Variants in RNF223 observed in about 807,000 individuals in gnomAD.
RNF223 encodes the protein ring finger protein 223.
RNF223 carries 10 observed loss-of-function variants against 13.9 expected under a neutral mutation model. That is an observed-to-expected ratio of 0.72 (90% CI 0.44 to 1.22). The LOEUF is 1.22. Among genes scored for constraint, RNF223 ranks in the 50% most tolerant of loss-of-function variants. RNF223 has a pLI of 0.00. For synonymous variants in RNF223, 168 were observed against 173.3 expected (o/e 0.97, Z 0.24); for missense variants, 379 against 380.0 (o/e 1.00, Z 0.02).
intron 1 of RNF223, among the ~76,000 whole-genome samples, chr1:1,073,566 G>C (rs1645659207): frequency 6.6e-6 from 1 of 152,184 alleles, no homozygotes; most frequent in Non-Finnish European, 1.5e-5. Flanking sequence ...CCCTGGGCAT[G>C]GCTCAGGTGG....
intron 1 of RNF223, among the ~76,000 whole-genome samples, chr1:1,073,543 G>A (rs2100729109): frequency 6.6e-6 from 1 of 152,312 alleles, no homozygotes; most frequent in East Asian, 1.9e-4. Flanking sequence ...GACACTGGGG[G>A]ATGCTGCTCT....
At position 1,072,457 on chromosome 1, in the gene RNF223, G is replaced by A. The variant is rs749980035; in HGVS notation, c.110C>T (p.Pro37Leu). The part of the protein sequence containing the change: ...SPSSAGSPRS[P>L]GTPGSERVAS... ...CACCCTCTCCGAGCCAGGGGTGCCA[G>A]GGGACCTGGGGCTGCCGGCCGAGCT... Residue 37 changes from proline to leucine, a missense_variant, in exon 2 of 2, where the codon CCT becomes CTT. Coordinates refer to ENST00000453464, the MANE Select transcript of RNF223 (RefSeq NM_001205252.2). 1 of 1,522,172 alleles carries A rather than the reference G, an allele frequency of 6.6e-7. No homozygotes were observed. Among genetic ancestry groups the A allele is most frequent in the Non-Finnish European group, 8.8e-7 (1 of 1,141,256 alleles). 94.3% of individuals were successfully genotyped at this position (1,522,172 alleles called of 1,614,324 possible). A position where few individuals can be genotyped will look rare whatever the true frequency, so the allele number is the denominator to read the frequency against.
Position 1,074,027 on chromosome 1 carries a change from G to C in RNF223, c.-21C>G, listed in dbSNP as rs1391456551. ...TGAGCTGGCCTTACCTGGTGGCCGG[G>C]GGTCAGCGGGCCTGGGCGTGGTCCT... On this transcript the variant is annotated 5_prime_UTR_variant, in exon 1 of 2. Transcript: ENST00000453464. The C allele has an allele frequency of 6.6e-6, 1 of 152,288 alleles. No individual in the cohort carries two copies. The highest frequency in any genetic ancestry group is 1.9e-4 in the East Asian group (1 of 5,190). The allele number at this position is 152,288 out of a possible 1,614,324, so 9.4% of individuals were successfully genotyped here. A position where few individuals can be genotyped will look rare whatever the true frequency, so the allele number is the denominator to read the frequency against.
chr1:1,071,439 T>C lies in RNF223; in HGVS notation c.*378A>G, dbSNP rs1456175390. ...CACCACGATGCCCGGTTAATTTTTG[T>C]ATTTTTAGTAGAGATGGGGTTTCAC... On this transcript the variant is annotated 3_prime_UTR_variant, in exon 2 of 2. Transcript: ENST00000453464. 2 of 168,952 alleles carry C rather than the reference T, an allele frequency of 1.2e-5. No homozygotes were observed. The highest frequency in any genetic ancestry group is 3.2e-4 in the East Asian group (2 of 6,178). The allele number at this position is 168,952 out of a possible 1,614,324, so 10.5% of individuals were successfully genotyped here.
Position 1,072,402 on chromosome 1 carries a change from G to A in RNF223, c.165C>T (p.Phe55=). Residue 55 remains phenylalanine, a synonymous_variant, in exon 2 of 2, where the codon TTC becomes TTT. Coordinates refer to ENST00000453464, the MANE Select transcript of RNF223 (RefSeq NM_001205252.2). ...TCTTGAAGATGTTGTCATAGCCTGA[G>A]AAACAGATGGAGCACTCCAGGGGGG... The part of the protein sequence containing the change: ...VASPLECSIC[F]SGYDNIFKTP... The A allele has an allele frequency of 1.4e-6, 2 of 1,478,820 alleles. No individual in the cohort carries two copies. Among genetic ancestry groups the A allele is most frequent in the Non-Finnish European group, 1.8e-6 (2 of 1,121,578 alleles). The allele number at this position is 1,478,820 out of a possible 1,614,324, so 91.6% of individuals were successfully genotyped here.
At chr1:1,072,672 A>ACAGAGTCCTTCCCTG in intron 1 of RNF223, 97 bp from the exon 2 acceptor site, 2 of 1,073,622 alleles carry the variant, frequency 1.9e-6, no homozygotes, top group Non-Finnish European at 2.6e-6. Flanking sequence ...ATCCCAGGGA[A>ACAGAGTCCTTCCCTG]GGACTCTGTT....
At position 1,072,576 on chromosome 1, in the gene RNF223, C is replaced by T; in HGVS notation, c.-9-1G>A. The T allele has an allele frequency of 1.3e-6, 2 of 1,504,350 alleles. No homozygotes were observed. Among genetic ancestry groups the T allele is most frequent in the East Asian group, 5.1e-5 (2 of 38,946 alleles). 93.2% of individuals were successfully genotyped at this position (1,504,350 alleles called of 1,614,324 possible). On this transcript the variant is annotated splice_acceptor_variant, in intron 1 of 1. Transcript: ENST00000453464. LOFTEE classifies it low-confidence loss of function (5UTR_SPLICE). ...GCTGGCCTGACGACATGTCTCTGAG[C>T]TGTGGGACAGGGACTGTGGTAAGCA...
Position 1,071,271 on chromosome 1 carries a change from T to G in RNF223, c.*546A>C, listed in dbSNP as rs1645636118. 2 of 151,686 alleles carry G rather than the reference T, an allele frequency of 1.3e-5. No homozygotes were observed. The highest frequency in any genetic ancestry group is 6.6e-5 in the Admixed American group (1 of 15,192). The allele number at this position is 151,686 out of a possible 1,614,324, so 9.4% of individuals were successfully genotyped here. A position where few individuals can be genotyped will look rare whatever the true frequency, so the allele number is the denominator to read the frequency against. ...CCTGGACCCTTCCTGTACGAGCCTG[T>G]TTTTTTTTGTTTTGTTTTGAGACAG... On this transcript the variant is annotated 3_prime_UTR_variant, in exon 2 of 2. Coordinates refer to ENST00000453464, the MANE Select transcript of RNF223 (RefSeq NM_001205252.2).
In RNF223 at chr1:1,072,505, A is replaced by G. The variant is rs898324121; in HGVS notation, c.62T>C (p.Ile21Thr). The G allele has an allele frequency of 2.9e-5, 45 of 1,532,356 alleles. No individual in the cohort carries two copies. Among genetic ancestry groups the G allele is most frequent in the Non-Finnish European group, 3.3e-5 (38 of 1,145,486 alleles). The allele number at this position is 1,532,356 out of a possible 1,614,324, so 94.9% of individuals were successfully genotyped here. ...AVPPPRRSSS[I>T]ASMPRSPSSA... is the part of the protein sequence containing the mutation. Reference sequence around the variant, plus strand: ...GCTGGGGGACCTGGGCATCGAGGCTATGGAGCTGCTCCGGCGAGGGGGTGG... The same window carrying G: ...GCTGGGGGACCTGGGCATCGAGGCTGTGGAGCTGCTCCGGCGAGGGGGTGG... Residue 21 changes from isoleucine to threonine, a missense_variant, in exon 2 of 2, where the codon ATA (isoleucine) becomes ACA (threonine). Ile to Thr is a moderately conservative substitution (Grantham distance 89). Coordinates refer to ENST00000453464, the MANE Select transcript of RNF223 (RefSeq NM_001205252.2).
Position 1,074,123 on chromosome 1 carries a change from C to T in RNF223, c.-117G>A, listed in dbSNP as rs1436783426. Reference sequence around the variant, plus strand: ...GTGGCAGTGTCTGCTTCCTCTTCTCCGGGCCCGGCCCGGCCTGTGCTTCAC... The same window carrying T: ...GTGGCAGTGTCTGCTTCCTCTTCTCTGGGCCCGGCCCGGCCTGTGCTTCAC... On this transcript the variant is annotated 5_prime_UTR_variant, in exon 1 of 2. Coordinates refer to ENST00000453464, the MANE Select transcript of RNF223 (RefSeq NM_001205252.2). 1.3e-5 allele frequency: 2 copies of T among 152,232 alleles called. No homozygotes were observed. Among genetic ancestry groups the T allele is most frequent in the African/African-American group, 4.8e-5 (2 of 41,422 alleles). 9.4% of individuals were successfully genotyped at this position (152,232 alleles called of 1,614,324 possible).
At position 1,071,781 on chromosome 1, in the gene RNF223, G is replaced by A. The variant is rs1371983890; in HGVS notation, c.*36C>T. 1 of 1,439,642 alleles carries A rather than the reference G, an allele frequency of 6.9e-7. No homozygotes were observed. Among genetic ancestry groups the A allele is most frequent in the Admixed American group, 2.5e-5 (1 of 40,174 alleles). 89.2% of individuals were successfully genotyped at this position (1,439,642 alleles called of 1,614,324 possible). ...CAGTGGGGGACGCCCCATGGAGCTG[G>A]GCGAGGGCGGCTGACCTGGGCAGAG... On this transcript the variant is annotated 3_prime_UTR_variant, in exon 2 of 2. Coordinates refer to ENST00000453464, the MANE Select transcript of RNF223 (RefSeq NM_001205252.2).
chr1:1,071,463 A>T lies in RNF223; in HGVS notation c.*354T>A. On this transcript the variant is annotated 3_prime_UTR_variant, in exon 2 of 2. Coordinates refer to ENST00000453464, the MANE Select transcript of RNF223 (RefSeq NM_001205252.2). ...GTATTTTTAGTAGAGATGGGGTTTCACCATGTTGGCCAGGCTGGTGTCAAA... is the reference window on the plus strand; with the variant it reads ...GTATTTTTAGTAGAGATGGGGTTTCTCCATGTTGGCCAGGCTGGTGTCAAA... The T allele has an allele frequency of 5.1e-6, 1 of 195,586 alleles. No homozygotes were observed. 12.1% of individuals were successfully genotyped at this position (195,586 alleles called of 1,614,324 possible).
rs1228105305 is a variant in RNF223, at chr1:1,071,970, C to T, written c.597G>A (p.Leu199=). The change falls in exon 2 of 2, where the codon CTG becomes CTA. Residue 199 remains leucine, a synonymous_variant. Coordinates refer to ENST00000453464, the MANE Select transcript of RNF223 (RefSeq NM_001205252.2). ...AGAGCATCAGCAGCAGGGCAGAGAC[C>T]AGTGCCATGCGCCTCCAGTCCCTGC... ...ARCRDWRRMA[L]VSALLLMLFC... 1.1e-5 allele frequency: 17 copies of T among 1,529,614 alleles called. No individual in the cohort carries two copies. The highest frequency in any genetic ancestry group is 5.6e-5 in the African/African-American group (4 of 71,846). The allele number at this position is 1,529,614 out of a possible 1,614,324, so 94.8% of individuals were successfully genotyped here.
At chr1:1,073,830 C>A (rs904373329) in intron 1 of RNF223, among the ~76,000 whole-genome samples, 186 bp downstream of exon 1, 1 of 152,162 alleles carries the variant, frequency 6.6e-6, no homozygotes, top group African/African-American at 2.4e-5. Flanking sequence ...TCACTGTGAC[C>A]ACCTGAGTCA....
At position 1,071,841 on chromosome 1, in the gene RNF223, G is replaced by C. The variant is rs368948809; in HGVS notation, c.726C>G (p.Pro242=). The C allele has an allele frequency of 2.1e-5, 32 of 1,522,038 alleles. No homozygotes were observed. The highest frequency in any genetic ancestry group is 6.9e-5 in the African/African-American group (5 of 72,216). 94.3% of individuals were successfully genotyped at this position (1,522,038 alleles called of 1,614,324 possible). A position where few individuals can be genotyped will look rare whatever the true frequency, so the allele number is the denominator to read the frequency against. ...CCTAATTATCAGTCAGAGGCCCGAG[G>C]GGGGAGGCGGCTGTGCTGGTGGCCG... ...RPPATSTAAS[P]LGPLTDN Residue 242 remains proline, a synonymous_variant, in exon 2 of 2, where the codon CCC becomes CCG. Transcript: ENST00000453464.
Position 1,072,514 on chromosome 1 carries a change from C to T in RNF223, c.53G>A (p.Ser18Asn). ...CCTGGGCATCGAGGCTATGGAGCTG[C>T]TCCGGCGAGGGGGTGGCACAGCCGT... ...WHTAVPPPRR[S>N]SSIASMPRSP... Residue 18 changes from serine to asparagine, a missense_variant, in exon 2 of 2, where the codon AGC becomes AAC. By Grantham distance (46) the Ser-to-Asn change is conservative (BLOSUM62 1). Transcript: ENST00000453464. 1 of 1,532,636 alleles carries T rather than the reference C, an allele frequency of 6.5e-7. No individual in the cohort carries two copies. The highest frequency in any genetic ancestry group is 8.7e-7 in the Non-Finnish European group (1 of 1,145,514). The allele number at this position is 1,532,636 out of a possible 1,614,324, so 94.9% of individuals were successfully genotyped here.
chr1:1,072,117 T>C lies in RNF223; in HGVS notation c.450A>G (p.Thr150=). ...ATACGAAACCGGGCTCGCGGCCAGG[T>C]GTGGTGGGCAGTGGCTGGCAGCACA... ...TKLCCQPLPT[T]PGREPGFVCV... The change falls in exon 2 of 2, where the codon ACA becomes ACG. Residue 150 remains threonine, a synonymous_variant. Coordinates refer to ENST00000453464, the MANE Select transcript of RNF223 (RefSeq NM_001205252.2). 1 of 1,516,326 alleles carries C rather than the reference T, an allele frequency of 6.6e-7. No homozygotes were observed. The highest frequency in any genetic ancestry group is 8.8e-7 in the Non-Finnish European group (1 of 1,139,244). 93.9% of individuals were successfully genotyped at this position (1,516,326 alleles called of 1,614,324 possible).
Position 1,072,409 on chromosome 1 carries a change from A to G in RNF223, c.158T>C (p.Ile53Thr). Residue 53 changes from isoleucine (I) to threonine (T), a missense_variant, in exon 2 of 2, where the codon ATC becomes ACC. Coordinates refer to ENST00000453464, the MANE Select transcript of RNF223 (RefSeq NM_001205252.2). The part of the protein sequence containing the change: ...ERVASPLECS[I>T]CFSGYDNIFK... ...GATGTTGTCATAGCCTGAGAAACAG[A>G]TGGAGCACTCCAGGGGGGAGGCCAC... 2 of 1,483,034 alleles carry G rather than the reference A, an allele frequency of 1.3e-6. No individual in the cohort carries two copies. Among genetic ancestry groups the G allele is most frequent in the Non-Finnish European group, 1.8e-6 (2 of 1,123,706 alleles). The allele number at this position is 1,483,034 out of a possible 1,614,324, so 91.9% of individuals were successfully genotyped here. A position where few individuals can be genotyped will look rare whatever the true frequency, so the allele number is the denominator to read the frequency against.
In RNF223 at chr1:1,071,448, T is replaced by C. The variant is rs1645637504; in HGVS notation, c.*369A>G. ...GCCCGGTTAATTTTTGTATTTTTAG[T>C]AGAGATGGGGTTTCACCATGTTGGC... On this transcript the variant is annotated 3_prime_UTR_variant, in exon 2 of 2. Transcript: ENST00000453464. 5.7e-6 allele frequency: 1 copy of C among 176,398 alleles called. No homozygotes were observed. Among genetic ancestry groups the C allele is most frequent in the Non-Finnish European group, 1.2e-5 (1 of 84,572 alleles). The allele number at this position is 176,398 out of a possible 1,614,324, so 10.9% of individuals were successfully genotyped here. A position where few individuals can be genotyped will look rare whatever the true frequency, so the allele number is the denominator to read the frequency against.
Sources: allele counts gnomAD v4.1 joint callset (sites outside exome capture counted in the v4.1 genomes callset), GRCh38; gene constraint gnomAD v4.1.1; transcripts MANE v1.5; gene names NCBI Gene and HGNC (gene_info 2026-07-23, HGNC 2026-07-21).